The following STXBP5L variants were observed in gnomAD, a reference collection of about 807,000 sequenced individuals.
The protein encoded by STXBP5L is syntaxin binding protein 5L.
A neutral mutation model predicts 144.5 loss-of-function variants in STXBP5L; 65 were observed. The ratio of observed to expected loss-of-function variants is 0.45; its 90% CI spans 0.37 to 0.55. The LOEUF is 0.55. STXBP5L is among the 20% of genes least tolerant of loss of function. The pLI is 0.00. For synonymous variants in STXBP5L, 505 were observed against 469.6 expected, an observed-to-expected ratio of 1.08 and a Z score of -0.97; for missense variants, 1,298 against 1,405.5, an observed-to-expected ratio of 0.92 and a Z score of 1.22.
intron 3 of STXBP5L, among the ~76,000 whole-genome samples, chr3:121,036,815 A>G (rs1176007128): frequency 8.3e-6 from 1 of 120,214 alleles, no homozygotes; most frequent in Admixed American, 1.1e-4. Context: ...GTTTTAGGGT[A>G]CATGTGCACA....
intron 19 of STXBP5L, among the ~76,000 whole-genome samples, chr3:121,308,048 A>G (rs891697394): frequency 6.6e-6 from 1 of 152,212 alleles, no homozygotes; most frequent in Admixed American, 6.5e-5. Context: ...GTCAAACGAA[A>G]AAACTGTCAT....
chr3:121,206,607 C>T (rs1208700809), intron 10 of STXBP5L, among the ~76,000 whole-genome samples: 3 of 152,056 alleles, frequency 2.0e-5, no homozygotes, highest in Non-Finnish European at 4.4e-5. Flanking sequence ...GTCAGGAGAT[C>T]GAGACCAGCC....
At chr3:121,113,509 A>G (rs975264094) in intron 5 of STXBP5L, among the ~76,000 whole-genome samples, 1 of 152,122 alleles carries the variant, frequency 6.6e-6, no homozygotes, top group African/African-American at 2.4e-5. Context: ...GTAATTGCTT[A>G]TGTAATAGCA....
At chr3:121,320,833 T>G (rs1263889690) in intron 20 of STXBP5L, among the ~76,000 whole-genome samples, 1 of 151,852 alleles carries the variant, frequency 6.6e-6, no homozygotes, top group Non-Finnish European at 1.5e-5. Context: ...CCCAAGTAGC[T>G]GGGACTACAG....
At chr3:121,332,068 C>CAAAA (rs34153551) in intron 20 of STXBP5L, among the ~76,000 whole-genome samples, 3 of 133,418 alleles carry the variant, frequency 2.2e-5, no homozygotes, top group African/African-American at 8.5e-5. Flanking sequence ...CTTTAAGAGA[C>CAAAA]AAAAAAAAAA....
At chr3:120,963,405 A>AGTGG (rs1939118591) in intron 3 of STXBP5L, among the ~76,000 whole-genome samples, 2 of 145,342 alleles carry the variant, frequency 1.4e-5, no homozygotes, top group Non-Finnish European at 3.1e-5. Context: ...TGATATTGGC[A>AGTGG]GTATGTCATA....
At position 121,240,488 on chromosome 3, in the gene STXBP5L, C is replaced by T. The variant is rs768533171; in HGVS notation, c.1381C>T (p.Pro461Ser). The T allele has an allele frequency of 1.1e-4, 173 of 1,613,246 alleles. No individual in the cohort carries two copies. The highest frequency in any genetic ancestry group is 1.3e-4 in the Non-Finnish European group (156 of 1,179,678). The change falls in exon 14 of 27, where the codon CCA (proline) becomes TCA (serine). Residue 461 changes from proline to serine, a missense_variant. By Grantham distance (74) the Pro-to-Ser change is moderately conservative. Transcript: ENST00000471454. Reference protein sequence around the residue: ...GAWNLGAQTYPEIIITGHADG... With the variant: ...GAWNLGAQTYSEIIITGHADG... The stretch of plus-strand genomic sequence containing the variant: ...TTGGAACCTTGGAGCACAAACATAT[C>T]CAGAAATTATTATTACTGGGTAAGT...
chr3:121,092,269 C>T (rs2042850806), intron 5 of STXBP5L, among the ~76,000 whole-genome samples: 1 of 151,794 alleles, frequency 6.6e-6, no homozygotes, highest in East Asian at 1.9e-4. Context: ...TTCTTGGTTC[C>T]ATATGAACTT....
chr3:121,313,930 C>T (rs1367751785), intron 19 of STXBP5L, among the ~76,000 whole-genome samples: 1 of 148,692 alleles, frequency 6.7e-6, no homozygotes, highest in Non-Finnish European at 1.5e-5. Context: ...GGTTGCGGCC[C>T]AGCAGAAGCG....
At chr3:121,289,488 G>A (rs2051349246) in intron 19 of STXBP5L, among the ~76,000 whole-genome samples, 1 of 152,084 alleles carries the variant, frequency 6.6e-6, no homozygotes, top group Admixed American at 6.6e-5. Context: ...GCACTAGACA[G>A]GTCATTCAGA....
chr3:121,206,407 G>T (rs1577207703), intron 10 of STXBP5L, among the ~76,000 whole-genome samples: 2 of 152,106 alleles, frequency 1.3e-5, no homozygotes, highest in Non-Finnish European at 2.9e-5. Flanking sequence ...ATTACAGTTT[G>T]TTCGAAAGAT....
At chr3:121,360,010 A>AATATAATATATATATTATTACT (rs1553776911) in intron 20 of STXBP5L, among the ~76,000 whole-genome samples, 4 of 143,304 alleles carry the variant, frequency 2.8e-5, no homozygotes, top group East Asian at 3.9e-4. Flanking sequence ...ATTACTATAT[A>AATATAATATATATATTATTACT]ATATAATATA....
intron 20 of STXBP5L, among the ~76,000 whole-genome samples, chr3:121,346,500 A>G (rs1488330560): frequency 1.3e-5 from 2 of 152,120 alleles, no homozygotes; most frequent in Non-Finnish European, 1.5e-5. Context: ...TGGTATTTCT[A>G]GTACTAGATC....
At chr3:121,133,066 G>T (rs2045070387) in intron 7 of STXBP5L, among the ~76,000 whole-genome samples, 1 of 152,088 alleles carries the variant, frequency 6.6e-6, no homozygotes, top group Non-Finnish European at 1.5e-5. Context: ...GGACCAGAAG[G>T]CTTATTTAAA....
intron 14 of STXBP5L, among the ~76,000 whole-genome samples, chr3:121,246,980 G>A (rs1266929429): frequency 6.6e-6 from 1 of 152,088 alleles, no homozygotes. Flanking sequence ...TAATGGAAAT[G>A]TTCTAAAACT....
chr3:120,957,756 G>T (rs1186229980), intron 3 of STXBP5L, among the ~76,000 whole-genome samples: 1 of 152,086 alleles, frequency 6.6e-6, no homozygotes, highest in Non-Finnish European at 1.5e-5. Flanking sequence ...CACATTTAAA[G>T]CAGTGTGTAG....
At chr3:121,099,074 G>A (rs1398982489) in intron 5 of STXBP5L, 4 of 152,144 alleles carry the variant, frequency 2.6e-5, no homozygotes, top group Non-Finnish European at 4.4e-5. Context: ...AATAAAGGGA[G>A]AATTCAGGTA....
intron 5 of STXBP5L, among the ~76,000 whole-genome samples, chr3:121,055,887 C>G (rs983149496): frequency 1.4e-5 from 2 of 143,778 alleles, no homozygotes; most frequent in Admixed American, 7.0e-5. Context: ...GAAACAGATT[C>G]TCTCCATGTT....
intron 5 of STXBP5L, among the ~76,000 whole-genome samples, chr3:121,078,580 G>T (rs940934656): frequency 2.0e-4 from 30 of 152,248 alleles, no homozygotes; most frequent in Non-Finnish European, 3.7e-4. Context: ...CATGGAGCAG[G>T]GGGTGGTGCT....
Sources: allele counts gnomAD v4.1 joint callset (sites outside exome capture counted in the v4.1 genomes callset), GRCh38; gene constraint gnomAD v4.1.1; transcripts MANE v1.5; gene names NCBI Gene and HGNC (gene_info 2026-07-23, HGNC 2026-07-21).